Variants in COL6A6 observed in about 807,000 individuals in gnomAD.
The protein encoded by COL6A6 is collagen type VI alpha 6 chain, also known as collagen alpha-6(VI) chain.
A neutral mutation model predicts 208.6 loss-of-function variants in COL6A6; 183 were observed. The observed-to-expected ratio is 0.88, with a 90% CI of 0.78 to 0.99. COL6A6 has a LOEUF of 0.99. COL6A6 is among the 50% of genes least tolerant of loss of function. COL6A6 has a pLI of 0.00. For synonymous variants in COL6A6, 973 were observed against 1,011.8 expected, an observed-to-expected ratio of 0.96 and a Z score of 0.73; for missense variants, 2,816 against 2,815.2, an observed-to-expected ratio of 1.00 and a Z score of -0.01.
In COL6A6 at chr3:130,581,632, C is replaced by G. The variant is rs1353483320; in HGVS notation, c.3619C>G (p.Gln1207Glu). 6.2e-7 allele frequency: 1 copy of G among 1,613,864 alleles called. No homozygotes were observed. The highest frequency in any genetic ancestry group is 1.3e-5 in the African/African-American group (1 of 75,050). ...QEKGQTLLEGQPWMETYLQDI... is the reference protein window; with the variant it reads ...QEKGQTLLEGEPWMETYLQDI... ...GAAAGGGCAGACTTTGCTTGAAGGT[C>G]AGCCTTGGATGGAAACCTACCTTCA... Residue 1207 changes from glutamine (Q) to glutamate (E), a missense_variant, in exon 9 of 37, where the codon CAG becomes GAG. Transcript: ENST00000358511.
At position 130,581,794 on chromosome 3, in the gene COL6A6, A is replaced by T; in HGVS notation, c.3781A>T (p.Ile1261Leu). Reference protein sequence around the residue: ...SPKFEIYSENILNSLKDITVK... With the variant: ...SPKFEIYSENLLNSLKDITVK... ...CAAGTTTGAGATCTACAGTGAAAAC[A>T]TACTGAATAGCTTGAAGGATATAAC... Residue 1261 changes from isoleucine to leucine, a missense_variant, in exon 9 of 37, where the codon ATA (isoleucine) becomes TTA (leucine). Transcript: ENST00000358511. 1 of 1,613,730 alleles carries T rather than the reference A, an allele frequency of 6.2e-7. No individual in the cohort carries two copies. Among genetic ancestry groups the T allele is most frequent in the South Asian group, 1.1e-5 (1 of 91,068 alleles).
In COL6A6 at chr3:130,634,532, A is replaced by G. The variant is rs961038815; in HGVS notation, c.4993-58A>G. The G allele has an allele frequency of 7.0e-5, 104 of 1,481,146 alleles. 1 individual carries two copies. The highest frequency in any genetic ancestry group is 9.0e-5 in the Non-Finnish European group (97 of 1,075,322). The allele number at this position is 1,481,146 out of a possible 1,614,324, so 91.8% of individuals were successfully genotyped here. On this transcript the variant is annotated intron_variant, in intron 26 of 36. Coordinates refer to ENST00000358511, the MANE Select transcript of COL6A6 (RefSeq NM_001102608.3). ...AGGGCAGCAGGTAAATTGAAAATCA[A>G]TGTAGACTTCATTGGGTGATGTGTG...
chr3:130,597,990 T>G (rs1380207135), intron 18 of COL6A6, among the ~76,000 whole-genome samples: 1 of 152,152 alleles, frequency 6.6e-6, no homozygotes, highest in Non-Finnish European at 1.5e-5. Context: ...CAAGTGTAAC[T>G]TTGCCTAGCC....
At chr3:130,617,286 C>T (rs903459210) in intron 23 of COL6A6, among the ~76,000 whole-genome samples, 3 of 152,104 alleles carry the variant, frequency 2.0e-5, no homozygotes, top group African/African-American at 7.2e-5. Context: ...ATAAAGGAGA[C>T]TCATACAAAC....
chr3:130,577,815 GAGTT>G (rs1335544084), intron 8 of COL6A6, among the ~76,000 whole-genome samples: 2 of 152,224 alleles, frequency 1.3e-5, no homozygotes, highest in African/African-American at 4.8e-5. Context: ...TGTTCATTGA[GAGTT>G]AGCTAATATC....
rs2063238600 is a variant in COL6A6, at chr3:130,574,209, A to G, written c.3231A>G (p.Thr1077=). ...ACATCAAGCAGATCTTTGGAAACAC[A>G]CACATCGGTGCTGCACTCAGGGAGG... is the stretch of plus-strand genomic sequence containing the variant. ...IENIKQIFGN[T]HIGAALREVE... is the part of the protein sequence containing the mutation. Residue 1077 remains threonine (T), a synonymous_variant, in exon 8 of 37, where the codon ACA becomes ACG. Transcript: ENST00000358511. The G allele has an allele frequency of 1.9e-6, 3 of 1,613,920 alleles. No individual in the cohort carries two copies. The highest frequency in any genetic ancestry group is 2.5e-6 in the Non-Finnish European group (3 of 1,179,914).
intron 1 of COL6A6, among the ~76,000 whole-genome samples, chr3:130,534,654 C>T (rs140284457): frequency 2.5e-3 from 382 of 152,214 alleles, no homozygotes; most frequent in African/African-American, 8.6e-3. Context: ...CGTATGTTTT[C>T]CTTGATGACT....
At chr3:130,669,400 T>A (rs948441511) in intron 36 of COL6A6, among the ~76,000 whole-genome samples, 10 of 151,388 alleles carry the variant, frequency 6.6e-5, no homozygotes, top group South Asian at 2.1e-4. Flanking sequence ...CTCAAAAAAA[T>A]ATATATATAA....
chr3:130,566,073 T>C lies in COL6A6; in HGVS notation c.1282+459T>C, dbSNP rs559006762. Among the ~76,000 whole-genome samples, 88 of 152,330 alleles carry C rather than the reference T, an allele frequency of 5.8e-4. 1 individual carries two copies. The highest frequency in any genetic ancestry group is 4.0e-4 in the Non-Finnish European group (27 of 68,026). On this transcript the variant is annotated intron_variant, in intron 4 of 36. Coordinates refer to ENST00000358511, the MANE Select transcript of COL6A6 (RefSeq NM_001102608.3). ...AAGAAAAAGTAATTATGTAATTTGT[T>C]GTGGGGTACCATTCTAGCATCCACC...
At chr3:130,611,981 T>A (rs1270057662) in intron 23 of COL6A6, among the ~76,000 whole-genome samples, 3 of 152,202 alleles carry the variant, frequency 2.0e-5, no homozygotes, top group African/African-American at 7.2e-5. Flanking sequence ...CCCCTCTTTG[T>A]GTCCATGTGT....
chr3:130,591,197 G>A lies in COL6A6; in HGVS notation c.4272+103G>A. 7.0e-6 allele frequency: 6 copies of A among 855,292 alleles called. No individual in the cohort carries two copies. The South Asian group carries it at 9.0e-5, about 13-fold the overall frequency. 53.0% of individuals were successfully genotyped at this position (855,292 alleles called of 1,614,324 possible). ...GGAAGCAAGAAAGGTGAGATTCTAA[G>A]GATTCGTGTACAGAATCTCAGATCT... On this transcript the variant is annotated intron_variant, in intron 13 of 36. Coordinates refer to ENST00000358511, the MANE Select transcript of COL6A6 (RefSeq NM_001102608.3).
intron 23 of COL6A6, among the ~76,000 whole-genome samples, chr3:130,615,023 G>T (rs970721416): frequency 6.6e-6 from 1 of 151,726 alleles, no homozygotes; most frequent in African/African-American, 2.4e-5. Context: ...CTCTGATTTT[G>T]GTTATTTCTT....
At position 130,547,436 on chromosome 3, in the gene COL6A6, T is replaced by C. The variant is rs141904954; in HGVS notation, c.-31-12898T>C. The stretch of plus-strand genomic sequence containing the variant: ...GCACACAGCCCTTGGTTCTGGCCTG[T>C]GCCTCTCCCTCCACACCTCCCTGCA... On this transcript the variant is annotated intron_variant, in intron 1 of 36. Transcript: ENST00000358511. Among the ~76,000 whole-genome samples, 757 of 152,322 alleles carry C rather than the reference T, an allele frequency of 5.0e-3. 4 individuals are homozygous for C. The highest frequency in any genetic ancestry group is 0.018 in the African/African-American group (742 of 41,586).
chr3:130,531,061 GTCTCTCTC>G (rs10662894), intron 1 of COL6A6, among the ~76,000 whole-genome samples: 30 of 136,648 alleles, frequency 2.2e-4, no homozygotes, highest in South Asian at 1.2e-3. Context: ...CACACACACA[GTCTCTCTC>G]TCTCTCTCTC....
rs2063431138 is a variant in COL6A6 at position 130,581,863 on chromosome 3, C to T, written c.3850C>T (p.Leu1284=). The change falls in exon 9 of 37, where the codon CTA becomes TTA. Residue 1284 remains leucine, a synonymous_variant. Transcript: ENST00000358511. ...SLLNANLLDS[L]WDTFQNKSAA... is the part of the protein sequence containing the mutation. Reference sequence around the variant, plus strand: ...TCTCAATGCAAACCTCTTGGATTCTCTATGGGATACATTTCAGAATAAATC... The same window carrying T: ...TCTCAATGCAAACCTCTTGGATTCTTTATGGGATACATTTCAGAATAAATC... 1.9e-6 allele frequency: 3 copies of T among 1,611,444 alleles called. No homozygotes were observed. Among genetic ancestry groups the T allele is most frequent in the Non-Finnish European group, 2.5e-6 (3 of 1,178,290 alleles).
chr3:130,651,951 T>A (rs980694692), intron 33 of COL6A6, among the ~76,000 whole-genome samples: 1 of 152,220 alleles, frequency 6.6e-6, no homozygotes, highest in African/African-American at 2.4e-5. Flanking sequence ...TCTACTCAAA[T>A]CTTCTAGAAA....
rs568615899 is a variant in COL6A6 at position 130,676,954 on chromosome 3, G to A, written c.*1557G>A. The A allele has an allele frequency of 6.6e-6, 1 of 152,280 alleles. No individual in the cohort carries two copies. The highest frequency in any genetic ancestry group is 2.4e-5 in the African/African-American group (1 of 41,568). 9.4% of individuals were successfully genotyped at this position (152,280 alleles called of 1,614,324 possible). A position where few individuals can be genotyped will look rare whatever the true frequency, so the allele number is the denominator to read the frequency against. ...TTCTAGTTAACTCTGAGTTAAGCAC[G>A]AACTCCTTTCTTTTGTTAATTGTTG... On this transcript the variant is annotated 3_prime_UTR_variant, in exon 37 of 37. Coordinates refer to ENST00000358511, the MANE Select transcript of COL6A6 (RefSeq NM_001102608.3).
At chr3:130,567,583 T>C (rs1279827186) in intron 5 of COL6A6, among the ~76,000 whole-genome samples, 1 of 152,248 alleles carries the variant, frequency 6.6e-6, no homozygotes, top group Non-Finnish European at 1.5e-5. Context: ...TAAGGAGTTC[T>C]TCAGGTTTAT....
chr3:130,667,833 T>G (rs2066112652), intron 36 of COL6A6, among the ~76,000 whole-genome samples: 1 of 151,820 alleles, frequency 6.6e-6, no homozygotes, highest in Non-Finnish European at 1.5e-5. Context: ...GTTAAAAGAT[T>G]CTAGGAGCTT....
Sources: allele counts gnomAD v4.1 joint callset (sites outside exome capture counted in the v4.1 genomes callset), GRCh38; gene constraint gnomAD v4.1.1; transcripts MANE v1.5; gene names NCBI Gene and HGNC (gene_info 2026-07-23, HGNC 2026-07-21).